The following MAML2 variants were observed in gnomAD, a reference collection of about 807,000 sequenced individuals.
MAML2 encodes mastermind-like protein 2.
A neutral mutation model predicts 96.1 loss-of-function variants in MAML2; 22 were observed. The ratio of observed to expected loss-of-function variants is 0.23; its 90% confidence interval spans 0.16 to 0.33. MAML2 has a LOEUF of 0.33. Among genes scored for constraint, MAML2 ranks in the 10% least tolerant of loss-of-function variants. The pLI, the probability that MAML2 is intolerant of heterozygous loss-of-function variation, is 1.00. For missense variants in MAML2, 1,367 were observed against 1,392.4 expected (o/e 0.98, Z 0.29); for synonymous variants, 561 against 521.3 (o/e 1.08, Z -1.04).
intron 2 of MAML2, among the ~76,000 whole-genome samples, chr11:96,070,671 G>A (rs149317615): frequency 7.5e-4 from 115 of 152,382 alleles, no homozygotes; most frequent in African/African-American, 2.6e-3. Flanking sequence ...TGCTCCATGC[G>A]ACTTGCCCTT....
At chr11:96,277,210 T>C (rs1863001474) in intron 1 of MAML2, among the ~76,000 whole-genome samples, 1 of 152,198 alleles carries the variant, frequency 6.6e-6, no homozygotes, top group Non-Finnish European at 1.5e-5. Flanking sequence ...ATAGCAAACT[T>C]AGGACTTCTG....
intron 2 of MAML2, among the ~76,000 whole-genome samples, chr11:96,024,809 CCTT>C (rs533928795): frequency 2.9e-4 from 44 of 152,162 alleles, no homozygotes; most frequent in Non-Finnish European, 4.4e-4. Context: ...CCCTGCCACT[CCTT>C]CTCCTTCTGC....
At chr11:96,087,056 C>G (rs1042606675) in intron 2 of MAML2, among the ~76,000 whole-genome samples, 1 of 152,196 alleles carries the variant, frequency 6.6e-6, no homozygotes. Context: ...AGGCCAATTA[C>G]TAACCATAAC....
chr11:96,066,880 A>G (rs745872711), intron 2 of MAML2, among the ~76,000 whole-genome samples: 13 of 152,224 alleles, frequency 8.5e-5, no homozygotes, highest in Non-Finnish European at 1.5e-4. Flanking sequence ...GGGGAAAGGA[A>G]AGAGCAAAGA....
chr11:96,280,984 G>T (rs1863056146), intron 1 of MAML2, among the ~76,000 whole-genome samples: 1 of 152,150 alleles, frequency 6.6e-6, no homozygotes, highest in African/African-American at 2.4e-5. Context: ...ACTCTCAGAT[G>T]AATGAACTAA....
chr11:96,093,296 A>T lies in MAML2; in HGVS notation c.735T>A (p.Thr245=), dbSNP rs762502951. 9 of 1,613,990 alleles carry T rather than the reference A, an allele frequency of 5.6e-6. No individual in the cohort carries two copies. Among genetic ancestry groups the T allele is most frequent in the Non-Finnish European group, 7.6e-6 (9 of 1,179,894 alleles). ...CAGGAGAATGTGTATGGGATGGCAG[A>T]GTGTTAGTCTTTCGCAGGGGTGCTT... The part of the protein sequence containing the change: ...MSQAPLRKTN[T]LPSHTHSPGN... The change falls in exon 2 of 5, where the codon ACT becomes ACA. Residue 245 remains threonine (T), a synonymous_variant. Transcript: ENST00000524717.
chr11:96,270,051 A>G (rs1282869437), intron 1 of MAML2, among the ~76,000 whole-genome samples: 1 of 143,808 alleles, frequency 7.0e-6, no homozygotes, highest in Admixed American at 7.4e-5. Context: ...CACAAATGAT[A>G]TCTCCTTAGA....
At chr11:96,035,853 C>G (rs981512460) in intron 2 of MAML2, among the ~76,000 whole-genome samples, 2 of 152,128 alleles carry the variant, frequency 1.3e-5, no homozygotes, top group African/African-American at 4.8e-5. Context: ...GGCCTCCATT[C>G]GAGTCCTAGC....
At chr11:96,087,016 A>G (rs763756602) in intron 2 of MAML2, among the ~76,000 whole-genome samples, 27 of 152,356 alleles carry the variant, frequency 1.8e-4, no homozygotes, top group Middle Eastern at 3.4e-3. Context: ...TTTAGGCAGC[A>G]TAGTAATTAT....
chr11:96,247,856 ACACCAACAACCTTC>A (rs1862531175), intron 1 of MAML2, among the ~76,000 whole-genome samples: 1 of 152,148 alleles, frequency 6.6e-6, no homozygotes, highest in African/African-American at 2.4e-5. Context: ...AACAATCAGC[ACACCAACAACCTTC>A]CACCAACACA....
intron 1 of MAML2, among the ~76,000 whole-genome samples, chr11:96,285,148 G>A (rs1383272320): frequency 6.6e-6 from 1 of 152,086 alleles, no homozygotes. Flanking sequence ...ATTTTGACAT[G>A]ACTCTCTTCT....
intron 1 of MAML2, among the ~76,000 whole-genome samples, chr11:96,214,493 T>G (rs2135941302): frequency 6.6e-6 from 1 of 152,336 alleles, no homozygotes; most frequent in African/African-American, 2.4e-5. Context: ...CTCATTTCCT[T>G]TATTGCCTCC....
chr11:96,249,479 G>T (rs568342054), intron 1 of MAML2, among the ~76,000 whole-genome samples: 117 of 152,124 alleles, frequency 7.7e-4, no homozygotes, highest in African/African-American at 2.6e-3. Flanking sequence ...AAACTAAAAT[G>T]TCCAAAATGA....
At chr11:96,024,179 A>T (rs1222260590) in intron 2 of MAML2, among the ~76,000 whole-genome samples, 1 of 152,244 alleles carries the variant, frequency 6.6e-6, no homozygotes, top group Non-Finnish European at 1.5e-5. Context: ...TCAGGGAAAG[A>T]TACTGTAGGT....
intron 1 of MAML2, among the ~76,000 whole-genome samples, chr11:96,299,477 A>G (rs1863356365): frequency 6.6e-6 from 1 of 151,836 alleles, no homozygotes; most frequent in African/African-American, 2.4e-5. Flanking sequence ...GCATGCTGAC[A>G]GTTTCTTCAC....
chr11:96,194,480 A>G (rs1861701558), intron 1 of MAML2, among the ~76,000 whole-genome samples: 1 of 152,228 alleles, frequency 6.6e-6, no homozygotes, highest in Non-Finnish European at 1.5e-5. Flanking sequence ...TTGTCTGAGC[A>G]AAAAACAAGC....
Position 96,093,241 on chromosome 11 carries a change from C to T in MAML2, c.790G>A (p.Glu264Lys), listed in dbSNP as rs749312142. ...GNGLFNMGLKEVKKEPGETLS... is the reference protein window; with the variant it reads ...GNGLFNMGLKKVKKEPGETLS... Reference sequence around the variant, plus strand: ...GTCTCTCCTGGCTCCTTCTTTACCTCCTTTAAGCCCATGTTAAACAGGCCA... The same window carrying T: ...GTCTCTCCTGGCTCCTTCTTTACCTTCTTTAAGCCCATGTTAAACAGGCCA... The change falls in exon 2 of 5, where the codon GAG becomes AAG. Residue 264 changes from glutamate (E) to lysine (K), a missense_variant. Glu to Lys is a moderately conservative substitution (Grantham distance 56). Transcript: ENST00000524717. 6 of 1,614,030 alleles carry T rather than the reference C, an allele frequency of 3.7e-6. No individual in the cohort carries two copies. Among genetic ancestry groups the T allele is most frequent in the Non-Finnish European group, 8.5e-7 (1 of 1,179,902 alleles).
intron 1 of MAML2, among the ~76,000 whole-genome samples, chr11:96,113,194 T>A (rs1291901559): frequency 6.6e-6 from 1 of 151,338 alleles, no homozygotes. Flanking sequence ...AAAAAAACTT[T>A]GAGGCTTTCT....
chr11:96,303,388 T>G (rs958863751), intron 1 of MAML2, among the ~76,000 whole-genome samples: 2 of 152,246 alleles, frequency 1.3e-5, no homozygotes, highest in Admixed American at 6.5e-5. Flanking sequence ...TTTGGTAATC[T>G]TTCTAGAATT....
Sources: allele counts gnomAD v4.1 joint callset (sites outside exome capture counted in the v4.1 genomes callset), GRCh38; gene constraint gnomAD v4.1.1; transcripts MANE v1.5; gene names NCBI Gene and HGNC (gene_info 2026-07-23, HGNC 2026-07-21).